PRELID2: variants seen among roughly 807,000 people sequenced by gnomAD.
PRELID2 encodes PRELI domain containing 2.
A neutral mutation model predicts 28.4 loss-of-function variants in PRELID2; 25 were observed. The ratio of observed to expected loss-of-function variants is 0.88; its 90% CI spans 0.64 to 1.23. The LOEUF is 1.23. Ranked by LOEUF, PRELID2 falls within the 50% of genes most tolerant of loss-of-function variation. The pLI, the probability that PRELID2 is intolerant of heterozygous loss-of-function variation, is 0.00. For synonymous variants in PRELID2, 76 were observed against 71.6 expected (o/e 1.06, Z -0.31); for missense variants, 201 against 214.4 (o/e 0.94, Z 0.39).
At chr5:145,665,040 G>T (rs943048056) in intron 1 of PRELID2, among the ~76,000 whole-genome samples, 2 of 152,044 alleles carry the variant, frequency 1.3e-5, no homozygotes, top group African/African-American at 4.8e-5. Context: ...TAGGGCTCTT[G>T]CTTGCATTGA....
At chr5:145,363,171 A>G in the PRELID2 span, among the ~76,000 whole-genome samples, 1 of 151,594 alleles carries the variant, frequency 6.6e-6, no homozygotes, top group African/African-American at 2.4e-5. Flanking sequence ...CAAACATATC[A>G]CCCTAGTGAG....
At chr5:145,806,252 C>A (rs1753499114) in intron 4 of PRELID2, among the ~76,000 whole-genome samples, 1 of 152,136 alleles carries the variant, frequency 6.6e-6, no homozygotes, top group Non-Finnish European at 1.5e-5. Flanking sequence ...CATTGCATAA[C>A]TGTACAAAAA....
chr5:145,392,409 C>T, the PRELID2 span, among the ~76,000 whole-genome samples: 1 of 152,042 alleles, frequency 6.6e-6, no homozygotes, highest in Non-Finnish European at 1.5e-5. Context: ...TAACCACCTC[C>T]ATGATTCAAT....
chr5:145,431,708 A>C, the PRELID2 span, among the ~76,000 whole-genome samples: 1 of 152,210 alleles, frequency 6.6e-6, no homozygotes, highest in African/African-American at 2.4e-5. Flanking sequence ...GTAGTTTCCA[A>C]TGTATCCAGT....
the PRELID2 span, among the ~76,000 whole-genome samples, chr5:145,429,039 T>G: frequency 6.6e-6 from 1 of 152,132 alleles, no homozygotes; most frequent in Admixed American, 6.5e-5. Flanking sequence ...CTGCTTTCCA[T>G]GAGATGAGAA....
the PRELID2 span, among the ~76,000 whole-genome samples, chr5:145,390,935 C>T: frequency 1.3e-5 from 2 of 152,168 alleles, no homozygotes; most frequent in African/African-American, 4.8e-5. Context: ...AATAGGGCAG[C>T]CTTAAACCTT....
At chr5:145,651,856 T>A (rs1014590398) in intron 1 of PRELID2, among the ~76,000 whole-genome samples, 2 of 152,106 alleles carry the variant, frequency 1.3e-5, no homozygotes, top group Admixed American at 1.3e-4. Flanking sequence ...CCTCTCCCCA[T>A]CCAAAGGAAC....
At chr5:145,445,286 C>A in the PRELID2 span, among the ~76,000 whole-genome samples, 1 of 152,076 alleles carries the variant, frequency 6.6e-6, no homozygotes, top group Non-Finnish European at 1.5e-5. Context: ...GGGTAAAGGA[C>A]AGTCTTCAAT....
At chr5:145,408,569 G>A in the PRELID2 span, among the ~76,000 whole-genome samples, 1 of 150,668 alleles carries the variant, frequency 6.6e-6, no homozygotes, top group South Asian at 2.1e-4. Flanking sequence ...TAACAACTTA[G>A]AGAAATGCAA....
At chr5:145,696,639 T>C (rs1755273393) in intron 1 of PRELID2, among the ~76,000 whole-genome samples, 1 of 151,968 alleles carries the variant, frequency 6.6e-6, no homozygotes, top group Non-Finnish European at 1.5e-5. Flanking sequence ...TTTTTTTGTA[T>C]TTTTTGTAGA....
intron 1 of PRELID2, among the ~76,000 whole-genome samples, chr5:145,628,198 T>C (rs74885406): frequency 0.018 from 2,815 of 152,246 alleles, 56 homozygotes; most frequent in Admixed American, 0.061. Flanking sequence ...TACATATATA[T>C]ATCATTTCCT....
At chr5:145,829,362 T>C (rs932734290) in intron 1 of PRELID2, among the ~76,000 whole-genome samples, 1 of 152,220 alleles carries the variant, frequency 6.6e-6, no homozygotes, top group Non-Finnish European at 1.5e-5. Flanking sequence ...AAGTTAGTAA[T>C]GATTTCTGAG....
At chr5:145,356,300 G>A in the PRELID2 span, among the ~76,000 whole-genome samples, 9 of 151,976 alleles carry the variant, frequency 5.9e-5, no homozygotes, top group South Asian at 2.1e-4. Context: ...GTGTGGTCTC[G>A]TTAGAGTCCA....
chr5:145,785,475 T>C (rs546309666), intron 5 of PRELID2, among the ~76,000 whole-genome samples: 2 of 152,210 alleles, frequency 1.3e-5, no homozygotes, highest in Admixed American at 6.5e-5. Flanking sequence ...TATACTACGA[T>C]AGTATGAGTG....
At chr5:145,462,178 C>T in the PRELID2 span, among the ~76,000 whole-genome samples, 1 of 152,124 alleles carries the variant, frequency 6.6e-6, no homozygotes, top group African/African-American at 2.4e-5. Flanking sequence ...CTACAGAGAG[C>T]ACTGATACAA....
chr5:145,292,425 C>A, the PRELID2 span, among the ~76,000 whole-genome samples: 1 of 152,084 alleles, frequency 6.6e-6, no homozygotes, highest in Admixed American at 6.5e-5. Context: ...TCTGCCCCTG[C>A]ACCGACCATG....
At chr5:145,670,664 C>T (rs953992346) in intron 1 of PRELID2, among the ~76,000 whole-genome samples, 3 of 152,134 alleles carry the variant, frequency 2.0e-5, no homozygotes, top group African/African-American at 7.2e-5. Context: ...TCTCCCTCTC[C>T]ACTTCCACCT....
At chr5:145,732,100 A>G (rs115611741) in intron 1 of PRELID2, among the ~76,000 whole-genome samples, 187 of 152,304 alleles carry the variant, frequency 1.2e-3, no homozygotes, top group African/African-American at 4.4e-3. Context: ...GAAGTGTTAT[A>G]TTTAAATTTT....
chr5:145,767,548 C>T (rs1229770589), intron 5 of PRELID2, among the ~76,000 whole-genome samples: 1 of 152,182 alleles, frequency 6.6e-6, no homozygotes, highest in Non-Finnish European at 1.5e-5. Flanking sequence ...CTATAACACG[C>T]ACTCCCTGGG....
Sources: gnomAD v4.1 joint callset for allele counts (sites outside exome capture counted in the v4.1 genomes callset) on GRCh38, gnomAD v4.1.1 for gene constraint, MANE v1.5 for transcripts, NCBI Gene and HGNC (gene_info 2026-07-23, HGNC 2026-07-21) for gene names.